Variants in SLC4A4 observed in about 807,000 individuals in gnomAD.
The protein encoded by SLC4A4 is solute carrier family 4 member 4, also known as electrogenic sodium bicarbonate cotransporter 1.
In SLC4A4, 27 loss-of-function variants were observed where a neutral mutation model predicts 111.5. That is an observed-to-expected ratio of 0.24 (90% CI 0.18 to 0.33). The LOEUF (loss-of-function observed/expected upper bound fraction) is 0.33, where lower values mean the gene tolerates loss of function less well. Among genes scored for constraint, SLC4A4 ranks in the 10% least tolerant of loss-of-function variants. SLC4A4 has a pLI of 1.00. For synonymous variants in SLC4A4, 443 were observed against 463.4 expected, an observed-to-expected ratio of 0.96 and a Z score of 0.57; for missense variants, 909 against 1,315.5, an observed-to-expected ratio of 0.69 and a Z score of 4.78.
At chr4:71,466,867 C>G (rs117901720) in intron 13 of SLC4A4, among the ~76,000 whole-genome samples, 2 of 151,032 alleles carry the variant, frequency 1.3e-5, no homozygotes, top group Admixed American at 6.6e-5. Flanking sequence ...ACAGCAACAC[C>G]CATGCCCCTT....
intron 1 of SLC4A4, among the ~76,000 whole-genome samples, chr4:71,086,639 A>G (rs1234604899): frequency 6.6e-6 from 1 of 151,820 alleles, no homozygotes; most frequent in Admixed American, 6.6e-5. Context: ...TGTCAAAGGC[A>G]TTTTCTGCAT....
At chr4:71,257,819 A>G (rs1721570665) in intron 3 of SLC4A4, among the ~76,000 whole-genome samples, 2 of 152,210 alleles carry the variant, frequency 1.3e-5, no homozygotes, top group South Asian at 2.1e-4. Flanking sequence ...ACATATAAAT[A>G]GTAACTTGAT....
intron 13 of SLC4A4, among the ~76,000 whole-genome samples, chr4:71,469,532 T>C (rs1050806565): frequency 7.2e-5 from 11 of 151,960 alleles, no homozygotes; most frequent in East Asian, 1.9e-4. Flanking sequence ...CATAATGATA[T>C]GAATCTATTT....
intron 3 of SLC4A4, among the ~76,000 whole-genome samples, chr4:71,320,922 A>T (rs1462203569): frequency 6.6e-6 from 1 of 152,050 alleles, no homozygotes; most frequent in Non-Finnish European, 1.5e-5. Context: ...AATGGCACTT[A>T]CTTATCTCGC....
chr4:71,134,706 G>A (rs778691049), intron 2 of SLC4A4, among the ~76,000 whole-genome samples: 20 of 152,168 alleles, frequency 1.3e-4, no homozygotes, highest in African/African-American at 4.3e-4. Context: ...CCTCAGTAGC[G>A]CTGAGCTTTG....
chr4:71,441,621 G>T (rs2149060030), intron 8 of SLC4A4, among the ~76,000 whole-genome samples: 1 of 152,230 alleles, frequency 6.6e-6, no homozygotes, highest in East Asian at 1.9e-4. Flanking sequence ...CTCAGTGATA[G>T]ATGGATCCTC....
chr4:71,070,108 G>A (rs1451556008), intron 1 of SLC4A4, among the ~76,000 whole-genome samples: 1 of 152,126 alleles, frequency 6.6e-6, no homozygotes, highest in Non-Finnish European at 1.5e-5. Flanking sequence ...TTAGAGTCTA[G>A]CAAACTGAGT....
chr4:71,088,452 G>T (rs1412326748), intron 1 of SLC4A4, among the ~76,000 whole-genome samples: 2 of 152,018 alleles, frequency 1.3e-5, no homozygotes, highest in African/African-American at 4.8e-5. Context: ...TCATCATGAT[G>T]TTAGCTGGTT....
chr4:71,187,598 G>A (rs995028090), intron 1 of SLC4A4, among the ~76,000 whole-genome samples, 197 bp downstream of exon 1: 2 of 152,200 alleles, frequency 1.3e-5, no homozygotes, highest in Non-Finnish European at 2.9e-5. Flanking sequence ...GGCTGCTTCC[G>A]CGGAAAAGTA....
intron 4 of SLC4A4, among the ~76,000 whole-genome samples, chr4:71,341,414 A>G (rs889816960): frequency 8.5e-5 from 13 of 152,172 alleles, no homozygotes; most frequent in African/African-American, 3.1e-4. Flanking sequence ...TATTTTTTCT[A>G]CATAGACTTA....
intron 7 of SLC4A4, among the ~76,000 whole-genome samples, chr4:71,431,261 C>A (rs775956010): frequency 1.2e-4 from 18 of 152,010 alleles, no homozygotes; most frequent in Non-Finnish European, 2.1e-4. Flanking sequence ...TAAAATAAAG[C>A]AGAAGAGTAA....
intron 15 of SLC4A4, among the ~76,000 whole-genome samples, chr4:71,494,056 A>G (rs184957702): frequency 8.6e-5 from 13 of 151,614 alleles, no homozygotes; most frequent in Non-Finnish European, 4.4e-5. Context: ...TTGTAGTTTT[A>G]TTGTCTTACA....
At chr4:71,273,603 T>C (rs1722853414) in intron 3 of SLC4A4, among the ~76,000 whole-genome samples, 1 of 152,164 alleles carries the variant, frequency 6.6e-6, no homozygotes, top group African/African-American at 2.4e-5. Context: ...GTGTTTGTAT[T>C]ACTGATAGTA....
chr4:71,130,367 C>T (rs1743670022), intron 2 of SLC4A4, among the ~76,000 whole-genome samples: 1 of 152,064 alleles, frequency 6.6e-6, no homozygotes, highest in Non-Finnish European at 1.5e-5. Context: ...ATAGCTGGAA[C>T]TACAGGCATG....
rs555719437 is a variant in SLC4A4, at chr4:71,536,659, C to G, written c.2442+2271C>G. 1.0e-3 allele frequency among the ~76,000 whole-genome samples: 150 copies of G among 150,260 alleles called. 1 individual carries two copies. The highest frequency in any genetic ancestry group is 3.8e-3 in the South Asian group (18 of 4,724). On this transcript the variant is annotated intron_variant, in intron 18 of 25. Transcript: ENST00000264485. ...TTACAGGGGCATGCCACCATGCCAGCTAATTTTTGTATTTTTAGTAGAGAC... is the reference window on the plus strand; with the variant it reads ...TTACAGGGGCATGCCACCATGCCAGGTAATTTTTGTATTTTTAGTAGAGAC...
intron 6 of SLC4A4, among the ~76,000 whole-genome samples, chr4:71,368,435 A>G (rs1731541083): frequency 6.6e-6 from 1 of 152,178 alleles, no homozygotes; most frequent in African/African-American, 2.4e-5. Flanking sequence ...TCCCTACCCC[A>G]GTCTTATGTT....
chr4:71,157,458 A>G (rs1279833614), intron 2 of SLC4A4, among the ~76,000 whole-genome samples: 1 of 152,176 alleles, frequency 6.6e-6, no homozygotes, highest in Non-Finnish European at 1.5e-5. Flanking sequence ...ATATTTCTGA[A>G]TCAAATTTTA....
rs72852197 is a variant in SLC4A4, at chr4:71,426,049, T to C, written c.808-14567T>C. On this transcript the variant is annotated intron_variant, in intron 7 of 25. Transcript: ENST00000264485. The stretch of plus-strand genomic sequence containing the variant: ...CAAAGGAATATATTTTAGGGTAAAA[T>C]ACTTCAGTTTCTTTCAGGGCCTTCT... Among the ~76,000 whole-genome samples, 1,195 of 152,212 alleles carry C rather than the reference T, an allele frequency of 7.9e-3. 15 individuals carry two copies. The highest frequency in any genetic ancestry group is 0.027 in the African/African-American group (1,132 of 41,558).
chr4:71,442,211 A>G (rs1378641923), intron 8 of SLC4A4, among the ~76,000 whole-genome samples: 1 of 152,310 alleles, frequency 6.6e-6, no homozygotes, highest in Admixed American at 6.5e-5. Flanking sequence ...ATTCATTGAG[A>G]GCAAATCATG....
Sources: allele counts gnomAD v4.1 joint callset (sites outside exome capture counted in the v4.1 genomes callset), GRCh38; gene constraint gnomAD v4.1.1; transcripts MANE v1.5; gene names NCBI Gene and HGNC (gene_info 2026-07-23, HGNC 2026-07-21).